The following SNAP47 variants were observed in gnomAD, a reference collection of about 807,000 sequenced individuals.
SNAP47 encodes the protein synaptosome associated protein 47.
In SNAP47, 20 loss-of-function variants were observed where a neutral mutation model predicts 31.4. The ratio of observed to expected loss-of-function variants is 0.64; its 90% CI spans 0.45 to 0.93. The LOEUF (loss-of-function observed/expected upper bound fraction) is 0.93, where lower values mean the gene tolerates loss of function less well. Among genes scored for constraint, SNAP47 ranks in the 40% least tolerant of loss-of-function variants. The pLI is 0.00. For missense variants in SNAP47, 492 were observed against 528.5 expected (o/e 0.93, Z 0.68); for synonymous variants, 194 against 213.4 (o/e 0.91, Z 0.79).
intron 1 of SNAP47, among the ~76,000 whole-genome samples, chr1:227,739,075 C>G (rs1013528009): frequency 6.6e-6 from 1 of 152,306 alleles, no homozygotes; most frequent in East Asian, 1.9e-4. Flanking sequence ...TTGTGTCACC[C>G]AGAGCCCGCT....
intron 1 of SNAP47, 109 bp downstream of exon 1, chr1:227,735,608 G>A (rs1426296567): frequency 1.5e-6 from 2 of 1,323,856 alleles, no homozygotes; most frequent in East Asian, 3.1e-5. Flanking sequence ...CCTCCTTCCC[G>A]CATCCCCGGG....
intron 1 of SNAP47, chr1:227,746,072 G>A (rs1007908795): frequency 2.0e-5 from 3 of 152,234 alleles, no homozygotes; most frequent in Admixed American, 1.3e-4. Context: ...CATGCCCCAG[G>A]GGCCCAGCTG....
At chr1:227,760,240 C>T (rs1354582455) in intron 3 of SNAP47, among the ~76,000 whole-genome samples, 1 of 152,198 alleles carries the variant, frequency 6.6e-6, no homozygotes, top group East Asian at 1.9e-4. Flanking sequence ...ATGTGGGAAC[C>T]AGCACCTCAG....
chr1:227,759,315 T>C lies in SNAP47; in HGVS notation c.818T>C (p.Ile273Thr). 1 of 1,614,270 alleles carries C rather than the reference T, an allele frequency of 6.2e-7. No homozygotes were observed. The highest frequency in any genetic ancestry group is 8.5e-7 in the Non-Finnish European group (1 of 1,180,056). The change falls in exon 3 of 5, where the codon ATT becomes ACT. Residue 273 changes from isoleucine (I) to threonine (T), a missense_variant. Ile to Thr is a moderately conservative substitution (Grantham distance 89). Coordinates refer to ENST00000617596, the MANE Select transcript of SNAP47 (RefSeq NM_053052.4). ...PYEISIRQRF[I>T]GKPDMAYRLI... Reference sequence around the variant, plus strand: ...GAAATTAGCATCCGCCAGCGGTTTATTGGAAAGCCAGACATGGCCTATCGT... The same window carrying C: ...GAAATTAGCATCCGCCAGCGGTTTACTGGAAAGCCAGACATGGCCTATCGT...
chr1:227,730,180 A>C (rs149276984), upstream of SNAP47, among the ~76,000 whole-genome samples: 297 of 152,300 alleles, frequency 2.0e-3, 1 homozygote, highest in Non-Finnish European at 3.2e-3. Context: ...GCACATCTGC[A>C]GCTCCTCACC....
upstream of SNAP47, chr1:227,730,597 TGA>T (rs1660579606): frequency 1.3e-5 from 2 of 152,108 alleles, no homozygotes; most frequent in South Asian, 4.1e-4. Flanking sequence ...AGCCCCAGCC[TGA>T]GATTCTCAAT....
chr1:227,735,385 C>A (rs780095164), upstream of SNAP47: 4 of 1,584,160 alleles, frequency 2.5e-6, no homozygotes, highest in Non-Finnish European at 3.4e-6. Context: ...GCCCCGCCAG[C>A]GCCTGGGGCT....
At chr1:227,767,395 T>C (rs1663484323) in intron 4 of SNAP47, among the ~76,000 whole-genome samples, 1 of 152,210 alleles carries the variant, frequency 6.6e-6, no homozygotes. Flanking sequence ...GGTGTGTATG[T>C]TTACCGTGCA....
chr1:227,762,543 T>C lies in SNAP47; in HGVS notation c.988+3058T>C, dbSNP rs558801200. ...GTGGGCTCCCTGGAGGTGGAAACCATGACGGATGTCTCAGAAATCCCTGCC... is the reference window on the plus strand; with the variant it reads ...GTGGGCTCCCTGGAGGTGGAAACCACGACGGATGTCTCAGAAATCCCTGCC... On this transcript the variant is annotated intron_variant, in intron 3 of 4. Transcript: ENST00000617596. The surrounding 1 kb of genome is among the most constrained non-coding windows in gnomAD (Gnocchi z 4.2). Among the ~76,000 whole-genome samples the C allele has an allele frequency of 6.6e-6, 1 of 152,336 alleles. No individual in the cohort carries two copies. The highest frequency in any genetic ancestry group is 6.5e-5 in the Admixed American group (1 of 15,312).
At chr1:227,751,276 A>T (rs79537119) in intron 2 of SNAP47, among the ~76,000 whole-genome samples, 12,829 of 152,230 alleles carry the variant, frequency 0.084, 655 homozygotes, top group Middle Eastern at 0.21. Context: ...GCTGTCTCCC[A>T]GAGGTAGCCT....
chr1:227,777,046 A>T (rs1262766163), intron 4 of SNAP47: 3 of 985,188 alleles, frequency 3.0e-6, no homozygotes, highest in Non-Finnish European at 3.6e-6. Flanking sequence ...AAACTATAGA[A>T]ATTTTTGCTA....
chr1:227,732,978 G>C, upstream of SNAP47: 1 of 1,613,338 alleles, frequency 6.2e-7, no homozygotes, highest in Non-Finnish European at 8.5e-7. Flanking sequence ...CCACATGTTG[G>C]CCAGGTTGAA....
chr1:227,750,680 G>A (rs1187043424), intron 2 of SNAP47, among the ~76,000 whole-genome samples: 1 of 152,232 alleles, frequency 6.6e-6, no homozygotes. Flanking sequence ...GAGGCCTGGG[G>A]ATATTCGCAG....
chr1:227,733,552 G>A (rs150323583), upstream of SNAP47: 13,534 of 1,606,598 alleles, frequency 8.4e-3, 79 homozygotes, highest in Admixed American at 9.6e-3. Flanking sequence ...AGGTCACGTC[G>A]TAGGGCAGGT....
upstream of SNAP47, chr1:227,735,269 T>G (rs1399905802): frequency 6.2e-7 from 1 of 1,605,782 alleles, no homozygotes; most frequent in South Asian, 1.1e-5. Flanking sequence ...CGTCTCGCGG[T>G]CCATCCAGCT....
At chr1:227,777,108 T>TAAA in intron 4 of SNAP47, 1 of 769,342 alleles carries the variant, frequency 1.3e-6, no homozygotes, top group African/African-American at 2.6e-5. Flanking sequence ...GATGTCTTTT[T>TAAA]TAAAAAAAAA....
chr1:227,758,362 C>T (rs532992730), intron 2 of SNAP47, among the ~76,000 whole-genome samples: 35 of 152,334 alleles, frequency 2.3e-4, no homozygotes. Context: ...CTTCTGTCCC[C>T]ACACCTGTAG....
intron 4 of SNAP47, chr1:227,770,620 G>A (rs1663740974): frequency 6.5e-6 from 1 of 154,768 alleles, no homozygotes; most frequent in African/African-American, 2.4e-5. Context: ...TTCCTGGTCT[G>A]GCTTCCCTCA....
chr1:227,735,518 C>T lies in SNAP47; in HGVS notation c.-46+19C>T, dbSNP rs1661066783. 2 of 1,381,844 alleles carry T rather than the reference C, an allele frequency of 1.4e-6. No individual in the cohort carries two copies. Among genetic ancestry groups the T allele is most frequent in the Non-Finnish European group, 1.9e-6 (2 of 1,075,932 alleles). The allele number at this position is 1,381,844 out of a possible 1,614,324, so 85.6% of individuals were successfully genotyped here. ...CCCTCAGGTGAGCGACGGTGTTGGT[C>T]TGTTGGGCGCCCGGCCCAAGCCAAG... On this transcript the variant is annotated intron_variant, in intron 1 of 4. Transcript: ENST00000617596.
Sources: allele counts gnomAD v4.1 joint callset (sites outside exome capture counted in the v4.1 genomes callset), GRCh38; gene constraint gnomAD v4.1.1; non-coding constraint Gnocchi (gnomAD v3.1); transcripts MANE v1.5; gene names NCBI Gene and HGNC (gene_info 2026-07-23, HGNC 2026-07-21).